DMAC1: variants seen among roughly 807,000 people sequenced by gnomAD.
The protein encoded by DMAC1 is distal membrane-arm assembly complex protein 1.
DMAC1 carries 10 observed loss-of-function variants against 7.0 expected under a neutral mutation model. The observed-to-expected ratio is 1.43, with a 90% CI of 0.88 to 2.43. The LOEUF (loss-of-function observed/expected upper bound fraction) is 2.43, where lower values mean the gene tolerates loss of function less well. DMAC1 is among the 30% of genes most tolerant of loss of function. The probability of loss-of-function intolerance (pLI) is 0.00; values close to 1 mark genes in which losing one functional copy is unlikely to be tolerated. For missense variants in DMAC1, 219 were observed against 158.7 expected, an observed-to-expected ratio of 1.38 and a Z score of -2.04; for synonymous variants, 92 against 66.2, an observed-to-expected ratio of 1.39 and a Z score of -1.90.
In DMAC1 at chr9:7,797,185, G is replaced by T. The variant is rs1441504990; in HGVS notation, c.*1388C>A. 6.6e-6 allele frequency: 1 copy of T among 152,212 alleles called. No individual in the cohort carries two copies. Among genetic ancestry groups the T allele is most frequent in the East Asian group, 1.9e-4 (1 of 5,198 alleles). The allele number at this position is 152,212 out of a possible 1,614,324, so 9.4% of individuals were successfully genotyped here. A position where few individuals can be genotyped will look rare whatever the true frequency, so the allele number is the denominator to read the frequency against. ...ATTTTAGGTATATGAATGACCATAT[G>T]TATCTGCTTTGGGTCATCCATGGTC... is the stretch of plus-strand genomic sequence containing the variant. On this transcript the variant is annotated 3_prime_UTR_variant, in exon 2 of 2. Transcript: ENST00000358227.
intron 1 of DMAC1, 120 bp from the exon 2 acceptor site, chr9:7,798,757 C>G (rs1484759345): frequency 2.6e-6 from 2 of 774,484 alleles, no homozygotes; most frequent in East Asian, 2.9e-5. Context: ...ACCATTGTAT[C>G]TTTCTTATAA....
rs1295556833 is a variant in DMAC1 at position 7,797,514 on chromosome 9, A to C, written c.*1059T>G. ...ACTATGATTAGCAGCTGAATTTAAC[A>C]GTATCTTTCCGCTTTGAAAAACACT... On this transcript the variant is annotated 3_prime_UTR_variant, in exon 2 of 2. Transcript: ENST00000358227. The C allele has an allele frequency of 6.6e-6, 1 of 152,216 alleles. No homozygotes were observed. Among genetic ancestry groups the C allele is most frequent in the African/African-American group, 2.4e-5 (1 of 41,446 alleles). 9.4% of individuals were successfully genotyped at this position (152,216 alleles called of 1,614,324 possible). A position where few individuals can be genotyped will look rare whatever the true frequency, so the allele number is the denominator to read the frequency against.
rs1255774662 is a variant in DMAC1 at position 7,799,622 on chromosome 9, G to A, written c.113C>T (p.Pro38Leu). 5 of 1,613,182 alleles carry A rather than the reference G, an allele frequency of 3.1e-6. No individual in the cohort carries two copies. The highest frequency in any genetic ancestry group is 1.8e-4 in the Middle Eastern group (1 of 5,592). Residue 38 changes from proline to leucine, a missense_variant, in exon 1 of 2, where the codon CCA becomes CTA. Coordinates refer to ENST00000358227, the MANE Select transcript of DMAC1 (RefSeq NM_033428.3). The part of the protein sequence containing the change: ...PPATPGAPTS[P>L]AEHRLLKTCW... ...GGTCTTCAACAGGCGGTGTTCTGCT[G>A]GGGAGGTCGGCGCTCCGGGTGTAGC...
Position 7,798,257 on chromosome 9 carries a change from CTATTA to C in DMAC1, c.*311_*315del. ...ATGACATGCAATTATATAAGACATA[CTATTA>C]TGTTTATATATAATGCTTAATTAAG... On this transcript the variant is annotated 3_prime_UTR_variant, in exon 2 of 2. Coordinates refer to ENST00000358227, the MANE Select transcript of DMAC1 (RefSeq NM_033428.3). 4.3e-6 allele frequency: 1 copy of C among 232,742 alleles called. No individual in the cohort carries two copies. The highest frequency in any genetic ancestry group is 2.2e-5 in the African/African-American group (1 of 45,016). The allele number at this position is 232,742 out of a possible 1,614,324, so 14.4% of individuals were successfully genotyped here.
At position 7,797,135 on chromosome 9, in the gene DMAC1, C is replaced by T. The variant is rs1305749768; in HGVS notation, c.*1438G>A. 1 of 152,174 alleles carries T rather than the reference C, an allele frequency of 6.6e-6. No individual in the cohort carries two copies. The highest frequency in any genetic ancestry group is 1.5e-5 in the Non-Finnish European group (1 of 68,022). The allele number at this position is 152,174 out of a possible 1,614,324, so 9.4% of individuals were successfully genotyped here. A position where few individuals can be genotyped will look rare whatever the true frequency, so the allele number is the denominator to read the frequency against. On this transcript the variant is annotated 3_prime_UTR_variant, in exon 2 of 2. Coordinates refer to ENST00000358227, the MANE Select transcript of DMAC1 (RefSeq NM_033428.3). ...CAATAGAACAGACTGCCTTTTAAAC[C>T]AGGGAACAACTTGTCTTTGTAGGTA...
At position 7,799,714 on chromosome 9, in the gene DMAC1, C is replaced by A. The variant is rs760810148; in HGVS notation, c.21G>T (p.Gln7His). The A allele has an allele frequency of 1.9e-6, 3 of 1,557,972 alleles. No homozygotes were observed. The highest frequency in any genetic ancestry group is 2.3e-5 in the East Asian group (1 of 44,372). Residue 7 changes from glutamine (Q) to histidine (H), a missense_variant, in exon 1 of 2, where the codon CAG becomes CAT. Transcript: ENST00000358227. ...GCGCAGTGATATAGGACTCAAAAGG[C>A]TGGGACAACCGAGACCCCATGCTCT... MGSRLS[Q>H]PFESYITAPP... is the part of the protein sequence containing the mutation.
rs998074264 is a variant in DMAC1, at chr9:7,798,365, T to G, written c.*208A>C. On this transcript the variant is annotated 3_prime_UTR_variant, in exon 2 of 2. Transcript: ENST00000358227. Reference sequence around the variant, plus strand: ...CCTGTTTACTTCTCTGAGGGATTTATTGGTTCCTGTGAAATCTGTGAAGGC... The same window carrying G: ...CCTGTTTACTTCTCTGAGGGATTTAGTGGTTCCTGTGAAATCTGTGAAGGC... The G allele has an allele frequency of 1.8e-6, 1 of 550,224 alleles. No homozygotes were observed. The highest frequency in any genetic ancestry group is 3.3e-6 in the Non-Finnish European group (1 of 299,970). The allele number at this position is 550,224 out of a possible 1,614,324, so 34.1% of individuals were successfully genotyped here.
rs1335035347 is a variant in DMAC1, at chr9:7,797,049, AGTTAG to A, written c.*1519_*1523del. The A allele has an allele frequency of 2.6e-5, 4 of 152,200 alleles. No homozygotes were observed. Among genetic ancestry groups the A allele is most frequent in the Admixed American group, 6.5e-5 (1 of 15,278 alleles). 9.4% of individuals were successfully genotyped at this position (152,200 alleles called of 1,614,324 possible). On this transcript the variant is annotated 3_prime_UTR_variant, in exon 2 of 2. Coordinates refer to ENST00000358227, the MANE Select transcript of DMAC1 (RefSeq NM_033428.3). ...TACCCAGTAGATCAAGCCAAGACCA[AGTTAG>A]GTTTATGTGTTTTTGGTTTAACCAA...
chr9:7,799,173 C>T (rs112194377), intron 1 of DMAC1, among the ~76,000 whole-genome samples: 4 of 152,026 alleles, frequency 2.6e-5, no homozygotes, highest in African/African-American at 9.7e-5. Context: ...CTCGTTGCCT[C>T]GGTTTGCTCC....
Position 7,797,571 on chromosome 9 carries a change from T to G in DMAC1, c.*1002A>C, listed in dbSNP as rs927981675. The G allele has an allele frequency of 4.6e-5, 7 of 152,198 alleles. No individual in the cohort carries two copies. Among genetic ancestry groups the G allele is most frequent in the Non-Finnish European group, 1.0e-4 (7 of 68,036 alleles). 9.4% of individuals were successfully genotyped at this position (152,198 alleles called of 1,614,324 possible). ...ACCTTTACAAAGAAGCCATAGTATC[T>G]CAGGGTAGAAAAACCCAATAGGTAG... On this transcript the variant is annotated 3_prime_UTR_variant, in exon 2 of 2. Transcript: ENST00000358227.
At chr9:7,798,944 A>C (rs1373204995) in intron 1 of DMAC1, among the ~76,000 whole-genome samples, 2 of 152,184 alleles carry the variant, frequency 1.3e-5, no homozygotes, top group African/African-American at 4.8e-5. Context: ...CATCTTGACG[A>C]TCACAGAACG....
At position 7,799,460 on chromosome 9, in the gene DMAC1, C is replaced by G. The variant is rs773935701; in HGVS notation, c.274+1G>C. The G allele has an allele frequency of 1.2e-6, 2 of 1,612,570 alleles. No individual in the cohort carries two copies. Among genetic ancestry groups the G allele is most frequent in the Non-Finnish European group, 1.7e-6 (2 of 1,179,994 alleles). ...CCCAAGTGCTGTGCCTTGATTCTCA[C>G]TGAGGCCGATGACCATCTGCGTAAT... On this transcript the variant is annotated splice_donor_variant, in intron 1 of 1. Transcript: ENST00000358227. LOFTEE classifies it high-confidence loss of function.
chr9:7,799,672 G>A lies in DMAC1; in HGVS notation c.63C>T (p.Ala21=). 6.2e-7 allele frequency: 1 copy of A among 1,606,366 alleles called. No homozygotes were observed. The highest frequency in any genetic ancestry group is 1.1e-5 in the South Asian group (1 of 90,386). The change falls in exon 1 of 2, where the codon GCC becomes GCT. Residue 21 remains alanine, a synonymous_variant. Transcript: ENST00000358227. ...CTGGGGGCGCAGGTTTGGCGGGCGC[G>A]GCGGCGGTACCGGGAGGCGCAGTGA... ...SYITAPPGTA[A]APAKPAPPAT...
chr9:7,797,955 C>T lies in DMAC1; in HGVS notation c.*618G>A, dbSNP rs1214608536. On this transcript the variant is annotated 3_prime_UTR_variant, in exon 2 of 2. Transcript: ENST00000358227. The stretch of plus-strand genomic sequence containing the variant: ...CAATGAAGTAACTACCTCAGACTAG[C>T]TGTGAAGCTCTCATAAGGTGATGGA... The T allele has an allele frequency of 6.6e-6, 1 of 152,206 alleles. No homozygotes were observed. The highest frequency in any genetic ancestry group is 1.5e-5 in the Non-Finnish European group (1 of 68,070). The allele number at this position is 152,206 out of a possible 1,614,324, so 9.4% of individuals were successfully genotyped here. A position where few individuals can be genotyped will look rare whatever the true frequency, so the allele number is the denominator to read the frequency against.
chr9:7,798,843 G>A (rs1025365147), intron 1 of DMAC1, among the ~76,000 whole-genome samples: 1 of 152,116 alleles, frequency 6.6e-6, no homozygotes, highest in East Asian at 1.9e-4. Context: ...ACCTATACAG[G>A]ATCAAGAAGG....
In DMAC1 at chr9:7,799,652, G is replaced by A. The variant is rs1818703122; in HGVS notation, c.83C>T (p.Pro28Leu). Residue 28 changes from proline to leucine, a missense_variant, in exon 1 of 2, where the codon CCC becomes CTC. Coordinates refer to ENST00000358227, the MANE Select transcript of DMAC1 (RefSeq NM_033428.3). The stretch of plus-strand genomic sequence containing the variant: ...GGTCGGCGCTCCGGGTGTAGCTGGG[G>A]GCGCAGGTTTGGCGGGCGCGGCGGC... ...GTAAAPAKPA[P>L]PATPGAPTSP... The A allele has an allele frequency of 1.2e-6, 2 of 1,611,540 alleles. No individual in the cohort carries two copies. The highest frequency in any genetic ancestry group is 1.7e-5 in the Admixed American group (1 of 59,926).
chr9:7,799,062 G>A (rs1818682525), intron 1 of DMAC1, among the ~76,000 whole-genome samples: 1 of 151,966 alleles, frequency 6.6e-6, no homozygotes, highest in Non-Finnish European at 1.5e-5. Flanking sequence ...AAGGGCCCTC[G>A]CTCAGGCTTT....
chr9:7,797,648 C>CA lies in DMAC1; in HGVS notation c.*924dup, dbSNP rs1280461549. The CA allele has an allele frequency of 6.6e-6, 1 of 151,372 alleles. No individual in the cohort carries two copies. The highest frequency in any genetic ancestry group is 1.5e-5 in the Non-Finnish European group (1 of 67,882). The allele number at this position is 151,372 out of a possible 1,614,324, so 9.4% of individuals were successfully genotyped here. ...ACTATGTAATTTTGAGTACTTATCT[C>CA]AAAATCATCACAGAAACATATCTAG... is the stretch of plus-strand genomic sequence containing the variant. On this transcript the variant is annotated 3_prime_UTR_variant, in exon 2 of 2. Coordinates refer to ENST00000358227, the MANE Select transcript of DMAC1 (RefSeq NM_033428.3).
chr9:7,799,471 G>T lies in DMAC1; in HGVS notation c.264C>A (p.Val88=). The T allele has an allele frequency of 1.2e-6, 2 of 1,612,656 alleles. No individual in the cohort carries two copies. Among genetic ancestry groups the T allele is most frequent in the Non-Finnish European group, 8.5e-7 (1 of 1,180,016 alleles). ...PPSPWTITQM[V]IGLSIATWGI... ...TGCCTTGATTCTCACTGAGGCCGATGACCATCTGCGTAATGGTCCATGGAC... is the reference window on the plus strand; with the variant it reads ...TGCCTTGATTCTCACTGAGGCCGATTACCATCTGCGTAATGGTCCATGGAC... The change falls in exon 1 of 2, where the codon GTC becomes GTA. Residue 88 remains valine (V), a synonymous_variant. Transcript: ENST00000358227.
Sources: gnomAD v4.1 joint callset for allele counts (sites outside exome capture counted in the v4.1 genomes callset) on GRCh38, gnomAD v4.1.1 for gene constraint, MANE v1.5 for transcripts, NCBI Gene and HGNC (gene_info 2026-07-23, HGNC 2026-07-21) for gene names.